DES: variants seen among roughly 807,000 people sequenced by gnomAD.
DES encodes the protein cardiomyopathy, dilated 1F (autosomal dominant).
DES carries 34 observed loss-of-function variants against 55.1 expected under a neutral mutation model. The observed-to-expected ratio is 0.62, with a 90% CI of 0.47 to 0.82. The LOEUF is 0.82. Among genes scored for constraint, DES ranks in the 40% least tolerant of loss-of-function variants. The pLI is 0.00. For synonymous variants in DES, 259 were observed against 270.8 expected, an observed-to-expected ratio of 0.96 and a Z score of 0.43; for missense variants, 596 against 645.9, an observed-to-expected ratio of 0.92 and a Z score of 0.84.
At position 219,420,534 on chromosome 2, in the gene DES, G is replaced by A. The variant is rs1575014346; in HGVS notation, c.775G>A (p.Val259Ile). 1 of 1,613,974 alleles carries A rather than the reference G, an allele frequency of 6.2e-7. No individual in the cohort carries two copies. Among genetic ancestry groups the A allele is most frequent in the Non-Finnish European group, 8.5e-7 (1 of 1,180,024 alleles). Residue 259 changes from valine to isoleucine, a missense_variant, in exon 4 of 9, where the codon GTC becomes ATC. By Grantham distance (29) the Val-to-Ile change is conservative (BLOSUM62 3). Coordinates refer to ENST00000373960, the MANE Select transcript of DES (RefSeq NM_001927.4). The surrounding 1 kb of genome is among the most constrained non-coding windows in gnomAD (Gnocchi z 6.0). ...GCAGGCTCAGCTTCAGGAACAGCAG[G>A]TCCAGGTGGAGATGGACATGTCTAA... ...ELQAQLQEQQ[V>I]QVEMDMSKPD...
intron 5 of DES, 39 bp from the exon 6 acceptor site, chr2:219,421,301 C>G (rs1352765787): frequency 1.2e-6 from 2 of 1,610,416 alleles, no homozygotes; most frequent in East Asian, 2.2e-5. Flanking sequence ...TGCTAGTGTC[C>G]TCTTCCCTTC....
chr2:219,426,057 T>G lies in DES; in HGVS notation c.*67T>G, dbSNP rs1237961791. On this transcript the variant is annotated 3_prime_UTR_variant, in exon 9 of 9. Coordinates refer to ENST00000373960, the MANE Select transcript of DES (RefSeq NM_001927.4). This position sits in a 1 kb window ranked among gnomAD's most constrained non-coding sequence, Gnocchi z 4.5. ...TCCTCACTGCTCCCTGAAGCCAGCC[T>G]TCTTCCATCCCAGGACACCACACCC... 1.3e-6 allele frequency: 2 copies of G among 1,579,108 alleles called. No individual in the cohort carries two copies. The highest frequency in any genetic ancestry group is 1.7e-6 in the Non-Finnish European group (2 of 1,150,986).
Position 219,423,973 on chromosome 2 carries a change from T to C in DES, c.1288+153T>C. The C allele has an allele frequency of 4.9e-6, 4 of 808,106 alleles. No individual in the cohort carries two copies. The South Asian group carries it at 5.7e-5, about 12-fold the overall frequency. The allele number at this position is 808,106 out of a possible 1,614,324, so 50.1% of individuals were successfully genotyped here. A position where few individuals can be genotyped will look rare whatever the true frequency, so the allele number is the denominator to read the frequency against. On this transcript the variant is annotated intron_variant, in intron 7 of 8. Coordinates refer to ENST00000373960, the MANE Select transcript of DES (RefSeq NM_001927.4). ...GAAAAAGGGGACCACTGCGGGTAGG[T>C]GGGGGAGTTTAGGTAGAGGTGGATG...
Position 219,419,041 on chromosome 2 carries a change from G to A in DES, c.578+1G>A. ...ACGACCTGCAGCGGCTCAAGGCCAA[G>A]TGAGGGCCCGGCACCCCAGACTCCT... On this transcript the variant is annotated splice_donor_variant, in intron 1 of 8. Transcript: ENST00000373960. LOFTEE classifies it high-confidence loss of function. This position sits in a 1 kb window ranked among gnomAD's most constrained non-coding sequence, Gnocchi z 4.3. 1.9e-6 allele frequency: 3 copies of A among 1,539,000 alleles called. No homozygotes were observed. The highest frequency in any genetic ancestry group is 2.6e-6 in the Non-Finnish European group (3 of 1,146,806).
In DES at chr2:219,420,874, G is replaced by T. The variant is rs771455648; in HGVS notation, c.944G>T (p.Arg315Leu). The stretch of plus-strand genomic sequence containing the variant: ...GCCAACAAGAACAACGACGCCCTGC[G>T]CCAGGCCAAGCAGGAGATGATGGAA... ...QAANKNNDAL[R>L]QAKQEMMEYR... Residue 315 changes from arginine (R) to leucine (L), a missense_variant, in exon 5 of 9, where the codon CGC becomes CTC. Transcript: ENST00000373960. The surrounding 1 kb of genome is among the most constrained non-coding windows in gnomAD (Gnocchi z 6.0). 1.5e-5 allele frequency: 25 copies of T among 1,613,598 alleles called. 1 individual carries two copies. The South Asian group carries it at 2.6e-4, about 17-fold the overall frequency.
chr2:219,425,747 T>TCGTC lies in DES; in HGVS notation c.1371+2_1371+3insCGTC. On this transcript the variant is annotated splice_region_variant and intron_variant, in intron 8 of 8. Coordinates refer to ENST00000373960, the MANE Select transcript of DES (RefSeq NM_001927.4). Reference sequence around the variant, plus strand: ...ACCATCGAGACACGGGATGGGGAGGTAAGTGGTCTGTCTGGGCTCCTTACC... The same window carrying TCGTC: ...ACCATCGAGACACGGGATGGGGAGGTCGTCAAGTGGTCTGTCTGGGCTCCTTACC... 1 of 1,600,692 alleles carries TCGTC rather than the reference T, an allele frequency of 6.2e-7. No individual in the cohort carries two copies. The highest frequency in any genetic ancestry group is 8.5e-7 in the Non-Finnish European group (1 of 1,174,778).
Position 219,418,430 on chromosome 2 carries a change from C to T in DES, c.-33C>T, listed in dbSNP as rs1310430106. On this transcript the variant is annotated 5_prime_UTR_variant, in exon 1 of 9. Transcript: ENST00000373960. ...CCGGCCGCCTGCCCGCCGCCTCCTC[C>T]GTGCGCCCGCCAGCCTCGCCCGCGC... 8.4e-6 allele frequency: 13 copies of T among 1,544,306 alleles called. No homozygotes were observed. The highest frequency in any genetic ancestry group is 2.5e-5 in the East Asian group (1 of 40,470).
intron 5 of DES, 144 bp from the exon 6 acceptor site, chr2:219,421,196 G>A: frequency 1.0e-6 from 1 of 979,200 alleles, no homozygotes; most frequent in East Asian, 2.6e-5. Context: ...TTTATTCTGA[G>A]TGTTCACATA....
chr2:219,425,387 G>A (rs1954516993), intron 7 of DES: 2 of 468,984 alleles, frequency 4.3e-6, no homozygotes, highest in South Asian at 4.2e-5. Context: ...GGCCTCAGGT[G>A]TCCCCTACCC....
Position 219,418,979 on chromosome 2 carries a change from C to A in DES, c.517C>A (p.Arg173Ser), listed in dbSNP as rs752944882. The A allele has an allele frequency of 6.4e-6, 10 of 1,550,390 alleles. No homozygotes were observed. The highest frequency in any genetic ancestry group is 2.7e-5 in the African/African-American group (2 of 73,178). ...RRQVEVLTNQ[R>S]ARVDVERDNL... Reference sequence around the variant, plus strand: ...CCAGGTGGAGGTGCTCACTAACCAGCGCGCGCGCGTCGACGTCGAGCGCGA... The same window carrying A: ...CCAGGTGGAGGTGCTCACTAACCAGAGCGCGCGCGTCGACGTCGAGCGCGA... The change falls in exon 1 of 9, where the codon CGC (arginine) becomes AGC (serine). Residue 173 changes from arginine (R) to serine (S), a missense_variant. Coordinates refer to ENST00000373960, the MANE Select transcript of DES (RefSeq NM_001927.4).
Position 219,418,802 on chromosome 2 carries a change from G to T in DES, c.340G>T (p.Glu114Ter). ...TRTNEKVELQ[E>*]LNDRFANYIE... ...CACCAACGAGAAGGTGGAGCTGCAG[G>T]AGCTCAATGACCGCTTCGCCAACTA... Residue 114 changes from glutamate to a stop codon, truncating the protein, a stop_gained, in exon 1 of 9, where the codon GAG becomes TAG. Coordinates refer to ENST00000373960, the MANE Select transcript of DES (RefSeq NM_001927.4). LOFTEE classifies it high-confidence loss of function. 1 of 1,572,454 alleles carries T rather than the reference G, an allele frequency of 6.4e-7. No homozygotes were observed. Among genetic ancestry groups the T allele is most frequent in the Non-Finnish European group, 8.6e-7 (1 of 1,158,132 alleles).
rs1477596160 is a variant in DES, at chr2:219,420,755, T to TTCA, written c.898-71_898-69dup. On this transcript the variant is annotated intron_variant, in intron 4 of 8. Coordinates refer to ENST00000373960, the MANE Select transcript of DES (RefSeq NM_001927.4). This position sits in a 1 kb window ranked among gnomAD's most constrained non-coding sequence, Gnocchi z 6.0. ...ATCCATGGGAGGAGAGCCCAGAGGCTTCATGCTCCCTTGCTCATCCCTACC... is the reference window on the plus strand; with the variant it reads ...ATCCATGGGAGGAGAGCCCAGAGGCTTCATCATGCTCCCTTGCTCATCCCTACC... The TTCA allele has an allele frequency of 1.2e-6, 2 of 1,613,546 alleles. No homozygotes were observed. The highest frequency in any genetic ancestry group is 1.3e-5 in the African/African-American group (1 of 74,908).
intron 8 of DES, 58 bp downstream of exon 8, chr2:219,425,803 G>A (rs765291236): frequency 4.5e-5 from 72 of 1,604,286 alleles, no homozygotes; most frequent in Non-Finnish European, 6.0e-5. Flanking sequence ...TGTCTGGGGG[G>A]ACTGTCTTCC....
chr2:219,426,494 C>A lies in DES; in HGVS notation c.*504C>A, dbSNP rs1559354589. On this transcript the variant is annotated 3_prime_UTR_variant, in exon 9 of 9. Transcript: ENST00000373960. The surrounding 1 kb of genome is among the most constrained non-coding windows in gnomAD (Gnocchi z 4.5). ...AATTGTCCCCGTGGTCTCTTACTTT[C>A]CTTTCCCCAGCCCAGGGTGGACTTA... 1.4e-5 allele frequency: 3 copies of A among 216,784 alleles called. No individual in the cohort carries two copies. The East Asian group carries it at 3.2e-4, about 23-fold the overall frequency. 13.4% of individuals were successfully genotyped at this position (216,784 alleles called of 1,614,324 possible).
At position 219,426,060 on chromosome 2, in the gene DES, T is replaced by G; in HGVS notation, c.*70T>G. 1 of 1,573,568 alleles carries G rather than the reference T, an allele frequency of 6.4e-7. No homozygotes were observed. The highest frequency in any genetic ancestry group is 8.7e-7 in the Non-Finnish European group (1 of 1,146,560). On this transcript the variant is annotated 3_prime_UTR_variant, in exon 9 of 9. Coordinates refer to ENST00000373960, the MANE Select transcript of DES (RefSeq NM_001927.4). This position sits in a 1 kb window ranked among gnomAD's most constrained non-coding sequence, Gnocchi z 4.5. ...TCACTGCTCCCTGAAGCCAGCCTTC[T>G]TCCATCCCAGGACACCACACCCAGC... is the stretch of plus-strand genomic sequence containing the variant.
Position 219,419,150 on chromosome 2 carries a change from C to A in DES, c.578+110C>A. On this transcript the variant is annotated intron_variant, in intron 1 of 8. Transcript: ENST00000373960. This position sits in a 1 kb window ranked among gnomAD's most constrained non-coding sequence, Gnocchi z 4.3. ...CCTGCCTTCTCCCGGGGCCCGGGAC[C>A]CTCTCCTGCCCCATGTGGAGAAAGG... 6.6e-7 allele frequency: 1 copy of A among 1,515,574 alleles called. No homozygotes were observed. Among genetic ancestry groups the A allele is most frequent in the Non-Finnish European group, 8.8e-7 (1 of 1,136,368 alleles). 93.9% of individuals were successfully genotyped at this position (1,515,574 alleles called of 1,614,324 possible).
rs62636492 is a variant in DES at position 219,421,364 on chromosome 2, C to T, written c.1048C>T (p.Arg350Trp). Residue 350 changes from arginine (R) to tryptophan (W), a missense_variant, in exon 6 of 9, where the codon CGG (arginine) becomes TGG (tryptophan). Coordinates refer to ENST00000373960, the MANE Select transcript of DES (RefSeq NM_001927.4). ...GAACGATTCCCTGATGAGGCAGATGCGGGAATTGGAGGACCGATTTGCCAG... is the reference window on the plus strand; with the variant it reads ...GAACGATTCCCTGATGAGGCAGATGTGGGAATTGGAGGACCGATTTGCCAG... Reference protein sequence around the residue: ...GTNDSLMRQMRELEDRFASEA... With the variant: ...GTNDSLMRQMWELEDRFASEA... 29 of 1,613,960 alleles carry T rather than the reference C, an allele frequency of 1.8e-5. No individual in the cohort carries two copies. Among genetic ancestry groups the T allele is most frequent in the African/African-American group, 2.7e-5 (2 of 74,888 alleles).
intron 7 of DES, among the ~76,000 whole-genome samples, chr2:219,424,842 A>G (rs1954506985): frequency 6.6e-6 from 1 of 152,228 alleles, no homozygotes; most frequent in African/African-American, 2.4e-5. Context: ...CATCAGCACA[A>G]TGAGTCAGTG....
At chr2:219,423,238 G>A (rs1275735339) in intron 6 of DES, among the ~76,000 whole-genome samples, 2 of 152,106 alleles carry the variant, frequency 1.3e-5, no homozygotes, top group Non-Finnish European at 2.9e-5. Context: ...TCCTAGTGTC[G>A]TGCCAGCAGT....
Sources: allele counts gnomAD v4.1 joint callset (sites outside exome capture counted in the v4.1 genomes callset), GRCh38; gene constraint gnomAD v4.1.1; non-coding constraint Gnocchi (gnomAD v3.1); transcripts MANE v1.5; gene names NCBI Gene and HGNC (gene_info 2026-07-23, HGNC 2026-07-21).